Variants in VOPP1 observed in about 807,000 individuals in gnomAD.
VOPP1 encodes the protein WW domain binding protein VOPP1.
VOPP1 carries 8 observed loss-of-function variants against 23.5 expected under a neutral mutation model. That is an observed-to-expected ratio of 0.34 (90% CI 0.20 to 0.61). The LOEUF is 0.61. Among genes scored for constraint, VOPP1 ranks in the 20% least tolerant of loss-of-function variants. The probability of loss-of-function intolerance (pLI) is 0.78; values close to 1 mark genes in which losing one functional copy is unlikely to be tolerated. For synonymous variants in VOPP1, 83 were observed against 97.3 expected, an observed-to-expected ratio of 0.85 and a Z score of 0.86; for missense variants, 174 against 238.1, an observed-to-expected ratio of 0.73 and a Z score of 1.77.
At chr7:55,511,681 T>C (rs1795079845) in intron 2 of VOPP1, among the ~76,000 whole-genome samples, 1 of 152,240 alleles carries the variant, frequency 6.6e-6, no homozygotes, top group Non-Finnish European at 1.5e-5. Context: ...CTCAAAAGAA[T>C]GCAACCACTT....
intron 2 of VOPP1, among the ~76,000 whole-genome samples, chr7:55,518,903 G>GA (rs1438341945): frequency 6.6e-6 from 1 of 152,240 alleles, no homozygotes; most frequent in Non-Finnish European, 1.5e-5. Context: ...AGACTAGCTA[G>GA]AAAGTTTCGG....
At chr7:55,551,283 C>T (rs1202630069) in intron 1 of VOPP1, among the ~76,000 whole-genome samples, 1 of 152,212 alleles carries the variant, frequency 6.6e-6, no homozygotes, top group East Asian at 1.9e-4. Context: ...CTCCTAGAGT[C>T]AATGGAAGTT....
At chr7:55,560,962 C>G (rs577670137) in intron 1 of VOPP1, among the ~76,000 whole-genome samples, 1 of 152,154 alleles carries the variant, frequency 6.6e-6, no homozygotes, top group Non-Finnish European at 1.5e-5. Flanking sequence ...CGCGTCAATC[C>G]CCAGTCTGGC....
downstream of VOPP1, among the ~76,000 whole-genome samples, chr7:55,467,938 G>C (rs969311111): frequency 6.6e-6 from 1 of 152,202 alleles, no homozygotes; most frequent in African/African-American, 2.4e-5. Flanking sequence ...TTCAGAATAC[G>C]TACTGAAGTG....
At chr7:55,486,924 TG>T (rs1329685429) in intron 4 of VOPP1, among the ~76,000 whole-genome samples, 7 of 152,174 alleles carry the variant, frequency 4.6e-5, no homozygotes, top group African/African-American at 1.7e-4. Context: ...TCTGCCCTGC[TG>T]TTTCTTCAGG....
At chr7:55,457,425 A>T (rs1036712395) in intron 4 of VOPP1, among the ~76,000 whole-genome samples, 1 of 152,200 alleles carries the variant, frequency 6.6e-6, no homozygotes, top group African/African-American at 2.4e-5. Context: ...TTCAGTAAAC[A>T]TGGAGGTCAA....
intron 4 of VOPP1, among the ~76,000 whole-genome samples, chr7:55,474,339 T>C (rs1792073194): frequency 6.6e-6 from 1 of 152,236 alleles, no homozygotes; most frequent in Non-Finnish European, 1.5e-5. Flanking sequence ...TATTTAGATC[T>C]GGATCCTGCT....
At chr7:55,517,820 G>A (rs1489262705) in intron 2 of VOPP1, among the ~76,000 whole-genome samples, 2 of 152,148 alleles carry the variant, frequency 1.3e-5, no homozygotes, top group South Asian at 2.1e-4. Context: ...TAAGAAAAAT[G>A]CTTCATGACC....
chr7:55,567,119 CTTCTT>C (rs1798188287), intron 1 of VOPP1, among the ~76,000 whole-genome samples: 1 of 152,246 alleles, frequency 6.6e-6, no homozygotes, highest in African/African-American at 2.4e-5. Flanking sequence ...TCAACTGCCT[CTTCTT>C]TTCCCACTGC....
chr7:55,457,301 T>C (rs150653830), intron 4 of VOPP1, among the ~76,000 whole-genome samples: 130 of 152,326 alleles, frequency 8.5e-4, no homozygotes, highest in African/African-American at 2.9e-3. Context: ...CGGAATTTCA[T>C]TTTTTTAATA....
At chr7:55,501,909 A>C (rs1794396535) in intron 2 of VOPP1, among the ~76,000 whole-genome samples, 1 of 152,184 alleles carries the variant, frequency 6.6e-6, no homozygotes, top group Non-Finnish European at 1.5e-5. Context: ...TCCAGACTGT[A>C]ACAGCTCTTA....
chr7:55,565,035 T>C (rs868529943), intron 1 of VOPP1, among the ~76,000 whole-genome samples: 10 of 152,236 alleles, frequency 6.6e-5, no homozygotes, highest in South Asian at 2.1e-4. Flanking sequence ...TCTGAGGACA[T>C]TGTTCTCTTG....
At chr7:55,499,894 C>A (rs998419124) in intron 2 of VOPP1, among the ~76,000 whole-genome samples, 4 of 152,098 alleles carry the variant, frequency 2.6e-5, no homozygotes, top group Non-Finnish European at 4.4e-5. Flanking sequence ...TGCAATTCTC[C>A]GAGGCCTTCC....
intron 1 of VOPP1, among the ~76,000 whole-genome samples, chr7:55,550,871 T>C (rs571643944): frequency 2.0e-5 from 3 of 152,316 alleles, no homozygotes; most frequent in East Asian, 1.9e-4. Context: ...TTAGAATGCA[T>C]TAGGCTTATT....
chr7:55,476,426 T>C (rs1173626895), intron 4 of VOPP1, among the ~76,000 whole-genome samples: 2 of 44,534 alleles, frequency 4.5e-5, no homozygotes, highest in African/African-American at 1.4e-4. Context: ...GCCAGTGGCG[T>C]GTCGGGGGGG....
rs1791840660 is a variant in VOPP1 at position 55,471,802 on chromosome 7, C to T, written c.*1053G>A. The T allele has an allele frequency of 6.6e-6, 1 of 151,742 alleles. No individual in the cohort carries two copies. Among genetic ancestry groups the T allele is most frequent in the Non-Finnish European group, 1.5e-5 (1 of 67,974 alleles). 9.4% of individuals were successfully genotyped at this position (151,742 alleles called of 1,614,324 possible). On this transcript the variant is annotated 3_prime_UTR_variant, in exon 5 of 5. Transcript: ENST00000285279. Reference sequence around the variant, plus strand: ...CCAGCAAGCTCCTCCTCCTTGGAGCCCAGCACACACCCGCTTAGACCCAAC... The same window carrying T: ...CCAGCAAGCTCCTCCTCCTTGGAGCTCAGCACACACCCGCTTAGACCCAAC...
At chr7:55,562,180 G>A (rs1188084103) in intron 1 of VOPP1, 11 of 678,430 alleles carry the variant, frequency 1.6e-5, no homozygotes, top group Non-Finnish European at 2.7e-5. Flanking sequence ...GCTTTCCAAG[G>A]GCGCTCCTCC....
chr7:55,478,994 AG>A (rs1205440128), intron 4 of VOPP1, among the ~76,000 whole-genome samples: 1 of 152,172 alleles, frequency 6.6e-6, no homozygotes, highest in Non-Finnish European at 1.5e-5. Flanking sequence ...GCCCGGCCCG[AG>A]GATGCTGCTG....
intron 4 of VOPP1, among the ~76,000 whole-genome samples, chr7:55,446,309 G>T (rs1562879142): frequency 6.6e-6 from 1 of 152,076 alleles, no homozygotes; most frequent in African/African-American, 2.4e-5. Context: ...ATACATTTTT[G>T]ATATGAGTAC....
Sources: gnomAD v4.1 joint callset for allele counts (sites outside exome capture counted in the v4.1 genomes callset) on GRCh38, gnomAD v4.1.1 for gene constraint, MANE v1.5 for transcripts, NCBI Gene and HGNC (gene_info 2026-07-23, HGNC 2026-07-21) for gene names.